Variants in NEDD9 observed in about 807,000 individuals in gnomAD.
NEDD9 encodes enhancer of filamentation 1.
In NEDD9, 26 loss-of-function variants were observed where a neutral mutation model predicts 76.6. The observed-to-expected ratio is 0.34, with a 90% CI of 0.25 to 0.47. NEDD9 has a LOEUF of 0.47. Among genes scored for constraint, NEDD9 ranks in the 20% least tolerant of loss-of-function variants. NEDD9 has a pLI of 1.00. For missense variants in NEDD9, 937 were observed against 1,058.5 expected (o/e 0.89, Z 1.59); for synonymous variants, 392 against 414.2 (o/e 0.95, Z 0.65).
chr6:11,191,623 T>C (rs1758148283), intron 4 of NEDD9, among the ~76,000 whole-genome samples: 1 of 152,112 alleles, frequency 6.6e-6, no homozygotes, highest in African/African-American at 2.4e-5. Flanking sequence ...GTCTGTAAAG[T>C]AGGGATTACT....
At chr6:11,199,637 CTTTTTTTTTTTTTTTTTTTTTTTTTTTTT>C (rs59651160) in intron 2 of NEDD9, 9 of 43,144 alleles carry the variant, frequency 2.1e-4, no homozygotes, top group East Asian at 1.4e-3. Context: ...TAGGAAAGAT[CTTTTTTTTTTTTTTTTTTTTTTTTTTTTT>C]TTTTTTTTTT....
chr6:11,355,876 A>G (rs558326593), intron 1 of NEDD9, among the ~76,000 whole-genome samples: 5 of 150,014 alleles, frequency 3.3e-5, no homozygotes, highest in Admixed American at 6.6e-5. Flanking sequence ...ACCCGCCACC[A>G]CGCCCGGCTA....
intron 2 of NEDD9, among the ~76,000 whole-genome samples, chr6:11,206,283 G>A (rs372733669): frequency 6.6e-6 from 1 of 151,998 alleles, no homozygotes; most frequent in East Asian, 1.9e-4. Flanking sequence ...GCCGGGCAAG[G>A]TGGTGGGCAC....
chr6:11,282,961 G>A (rs1760566913), intron 3 of NEDD9, among the ~76,000 whole-genome samples: 1 of 152,168 alleles, frequency 6.6e-6, no homozygotes, highest in African/African-American at 2.4e-5. Flanking sequence ...TGCCCTATAT[G>A]GTTTGGCCTT....
intron 2 of NEDD9, among the ~76,000 whole-genome samples, chr6:11,322,306 C>T (rs988761911): frequency 1.3e-5 from 2 of 151,980 alleles, no homozygotes; most frequent in African/African-American, 2.4e-5. Context: ...AACAAACCTG[C>T]ACATTCTGCA....
intron 3 of NEDD9, among the ~76,000 whole-genome samples, chr6:11,263,411 T>C (rs1350582369): frequency 6.6e-6 from 1 of 152,222 alleles, no homozygotes; most frequent in East Asian, 1.9e-4. Context: ...CCACTCTCAA[T>C]TCAACTGCCT....
At position 11,195,602 on chromosome 6, in the gene NEDD9, T is replaced by C. The variant is rs182641828; in HGVS notation, c.460-1910A>G. Among the ~76,000 whole-genome samples the C allele has an allele frequency of 3.0e-3, 459 of 152,370 alleles. 7 individuals carry two copies. The highest frequency in any genetic ancestry group is 7.5e-4 in the Non-Finnish European group (51 of 68,030). On this transcript the variant is annotated intron_variant, in intron 2 of 6. Coordinates refer to ENST00000379446, the MANE Select transcript of NEDD9 (RefSeq NM_006403.4). ...GCAGCTTTTGTTCAGCTTAAAAGTT[T>C]CCAAGAGTGGATTTTATCCAAGGTT...
intron 3 of NEDD9, among the ~76,000 whole-genome samples, chr6:11,193,120 C>G (rs527343017): frequency 6.6e-6 from 1 of 151,664 alleles, no homozygotes; most frequent in African/African-American, 2.4e-5. Context: ...GCCTGGCCAC[C>G]ATGGCAAAAG....
At chr6:11,378,560 G>C (rs1763005968) in intron 1 of NEDD9, among the ~76,000 whole-genome samples, 1 of 152,164 alleles carries the variant, frequency 6.6e-6, no homozygotes. Flanking sequence ...GGGTAGTGGG[G>C]TAACAGGTGG....
intron 1 of NEDD9, among the ~76,000 whole-genome samples, chr6:11,373,094 T>C (rs1348327506): frequency 2.0e-5 from 3 of 152,084 alleles, no homozygotes; most frequent in African/African-American, 7.3e-5. Flanking sequence ...CCCAAATCAA[T>C]TCTTTTGAAA....
intron 3 of NEDD9, among the ~76,000 whole-genome samples, chr6:11,273,116 T>A (rs1760346771): frequency 1.3e-5 from 2 of 152,190 alleles, no homozygotes; most frequent in South Asian, 4.1e-4. Context: ...AAGACACTCC[T>A]ATTGCTTAAC....
chr6:11,204,681 C>T lies in NEDD9; in HGVS notation c.459+8600G>A, dbSNP rs374622011. Among the ~76,000 whole-genome samples, 290 of 135,006 alleles carry T rather than the reference C, an allele frequency of 2.1e-3. 3 individuals are homozygous for T. Among genetic ancestry groups the T allele is most frequent in the African/African-American group, 7.9e-3 (279 of 35,196 alleles). 88.6% of individuals were successfully genotyped at this position (135,006 alleles called of 152,430 possible). On this transcript the variant is annotated intron_variant, in intron 2 of 6. Coordinates refer to ENST00000379446, the MANE Select transcript of NEDD9 (RefSeq NM_006403.4). ...GTTGTGGTGAGCCGAGATTGTGCCA[C>T]TGCACTCCAGCCTGGTCAACAGAGG...
chr6:11,357,099 G>A (rs566736460), intron 1 of NEDD9, among the ~76,000 whole-genome samples: 5 of 152,222 alleles, frequency 3.3e-5, no homozygotes, highest in African/African-American at 9.6e-5. Context: ...TTTGAAGGCC[G>A]GCAGATTTCC....
chr6:11,345,532 T>C (rs567121494), intron 1 of NEDD9, among the ~76,000 whole-genome samples: 38 of 152,268 alleles, frequency 2.5e-4, no homozygotes, highest in Middle Eastern at 6.8e-3. Context: ...CAACTATATG[T>C]GGAGCCAGGA....
At chr6:11,234,215 C>T (rs866661696), upstream of NEDD9, among the ~76,000 whole-genome samples, 7 of 152,136 alleles carry the variant, frequency 4.6e-5, no homozygotes, top group South Asian at 2.1e-4. Context: ...AAATTAAGCA[C>T]GCAGCATATT....
At chr6:11,355,534 G>A (rs141041801) in intron 1 of NEDD9, among the ~76,000 whole-genome samples, 211 of 152,174 alleles carry the variant, frequency 1.4e-3, no homozygotes, top group African/African-American at 4.9e-3. Flanking sequence ...AAAACTGAAC[G>A]CTCTAATTTC....
chr6:11,358,495 A>G (rs1227492628), intron 1 of NEDD9, among the ~76,000 whole-genome samples: 5 of 152,182 alleles, frequency 3.3e-5, no homozygotes, highest in African/African-American at 1.2e-4. Context: ...AGTTAACAGG[A>G]AAACTGTTAG....
In NEDD9 at chr6:11,369,876, T is replaced by C. The variant is rs545305040; in HGVS notation, c.-214+12263A>G. ...AGGACCCTACTGATGGACTTTTGGA[T>C]TGTGTTCATGTTTTCAATATCATGC... is the stretch of plus-strand genomic sequence containing the variant. On this transcript the variant is annotated intron_variant, in intron 1 of 3. Coordinates refer to the NEDD9 transcript ENST00000397378. Among the ~76,000 whole-genome samples, 123 of 152,356 alleles carry C rather than the reference T, an allele frequency of 8.1e-4. 1 individual carries two copies. The South Asian group carries it at 0.025, about 31-fold the overall frequency.
intron 2 of NEDD9, among the ~76,000 whole-genome samples, chr6:11,313,327 A>G (rs918463896): frequency 1.3e-5 from 2 of 150,734 alleles, no homozygotes; most frequent in Admixed American, 6.6e-5. Context: ...GAACGGATGG[A>G]TGGGTGGATA....
Sources: allele counts gnomAD v4.1 joint callset (sites outside exome capture counted in the v4.1 genomes callset), GRCh38; gene constraint gnomAD v4.1.1; transcripts MANE v1.5; gene names NCBI Gene and HGNC (gene_info 2026-07-23, HGNC 2026-07-21).